CARMIL1: variants seen among roughly 807,000 people sequenced by gnomAD.
The protein encoded by CARMIL1 is capping protein regulator and myosin 1 linker 1.
A neutral mutation model predicts 177.1 loss-of-function variants in CARMIL1; 90 were observed. The observed-to-expected ratio is 0.51, with a 90% CI of 0.43 to 0.61. The LOEUF (loss-of-function observed/expected upper bound fraction) is 0.61. CARMIL1 is among the 20% of genes least tolerant of loss of function. The pLI is 0.00. For missense variants in CARMIL1, 1,380 were observed against 1,667.0 expected (o/e 0.83, Z 3.00); for synonymous variants, 577 against 606.2 (o/e 0.95, Z 0.71).
intron 2 of CARMIL1, among the ~76,000 whole-genome samples, chr6:25,372,558 G>T (rs978646342): frequency 1.3e-5 from 2 of 152,130 alleles, no homozygotes; most frequent in Non-Finnish European, 2.9e-5. Flanking sequence ...TGTTGTTGGT[G>T]TATGGCAGTA....
chr6:25,604,717 C>T (rs1259342502), intron 33 of CARMIL1, 95 bp from the exon 34 acceptor site: 2 of 943,134 alleles, frequency 2.1e-6, no homozygotes, highest in African/African-American at 3.3e-5. Context: ...AGTTAAAGAG[C>T]CCTTCTTTGC....
At position 25,554,182 on chromosome 6, in the gene CARMIL1, C is replaced by G. The variant is rs1434315275; in HGVS notation, c.2592+86C>G. The G allele has an allele frequency of 1.1e-6, 1 of 942,870 alleles. No homozygotes were observed. The highest frequency in any genetic ancestry group is 1.6e-5 in the African/African-American group (1 of 61,244). The allele number at this position is 942,870 out of a possible 1,614,324, so 58.4% of individuals were successfully genotyped here. ...GACTTCCGGTGTGGGGATGTGATTT[C>G]TTTTCTGTATTTCACACTATTACAG... On this transcript the variant is annotated intron_variant, in intron 28 of 36. Coordinates refer to ENST00000329474, the MANE Select transcript of CARMIL1 (RefSeq NM_017640.6). The surrounding 1 kb of genome is among the most constrained non-coding windows in gnomAD (Gnocchi z 4.6).
At chr6:25,459,256 T>TTC (rs1270254958) in intron 8 of CARMIL1, among the ~76,000 whole-genome samples, 2 of 119,926 alleles carry the variant, frequency 1.7e-5, no homozygotes, top group Admixed American at 9.3e-5. Context: ...CTTTCTTTCT[T>TTC]TCTTTCTTTC....
intron 8 of CARMIL1, among the ~76,000 whole-genome samples, chr6:25,463,984 G>A (rs1294135904): frequency 6.6e-6 from 1 of 151,636 alleles, no homozygotes; most frequent in Non-Finnish European, 1.5e-5. Flanking sequence ...CACTACGCCC[G>A]GCTAATTTTT....
chr6:25,287,836 TCAAA>T (rs1781636128), intron 2 of CARMIL1, among the ~76,000 whole-genome samples: 1 of 152,224 alleles, frequency 6.6e-6, no homozygotes, highest in African/African-American at 2.4e-5. Context: ...GTTGCTGACT[TCAAA>T]CAATGATAGG....
intron 24 of CARMIL1, among the ~76,000 whole-genome samples, chr6:25,534,576 A>T (rs1021564370): frequency 1.3e-5 from 2 of 152,108 alleles, no homozygotes; most frequent in Non-Finnish European, 2.9e-5. Context: ...TTTGGATAAA[A>T]TTTTTTTAAA....
At chr6:25,516,675 T>G (rs1181495926) in intron 21 of CARMIL1, among the ~76,000 whole-genome samples, 1 of 152,192 alleles carries the variant, frequency 6.6e-6, no homozygotes, top group African/African-American at 2.4e-5. Flanking sequence ...TGTGTCAGGG[T>G]GAACTGACAA....
At chr6:25,296,663 G>A (rs1478890744) in intron 2 of CARMIL1, among the ~76,000 whole-genome samples, 1 of 150,664 alleles carries the variant, frequency 6.6e-6, no homozygotes, top group Admixed American at 6.6e-5. Flanking sequence ...CTGAGCTAAG[G>A]TGTGGCCAGG....
rs141904686 is a variant in CARMIL1, at chr6:25,385,528, A to G, written c.139-34586A>G. Among the ~76,000 whole-genome samples, 467 of 152,348 alleles carry G rather than the reference A, an allele frequency of 3.1e-3. 8 individuals carry two copies. The highest frequency in any genetic ancestry group is 0.02 in the East Asian group (106 of 5,186). ...ATTTATTGAGCACTTACTATGGACCATGCCCTGTTATAGTCATTTGGAATT... is the reference window on the plus strand; with the variant it reads ...ATTTATTGAGCACTTACTATGGACCGTGCCCTGTTATAGTCATTTGGAATT... On this transcript the variant is annotated intron_variant, in intron 2 of 36. Coordinates refer to ENST00000329474, the MANE Select transcript of CARMIL1 (RefSeq NM_017640.6).
chr6:25,380,327 G>C (rs929768988), intron 2 of CARMIL1, among the ~76,000 whole-genome samples: 1 of 152,200 alleles, frequency 6.6e-6, no homozygotes, highest in African/African-American at 2.4e-5. Flanking sequence ...CTTGCAGGCC[G>C]ATTCTCTGTT....
chr6:25,455,231 A>G (rs987041075), intron 8 of CARMIL1, among the ~76,000 whole-genome samples: 1 of 152,226 alleles, frequency 6.6e-6, no homozygotes, highest in Non-Finnish European at 1.5e-5. Context: ...TATTACAGCT[A>G]GAGAAAGCTG....
chr6:25,362,038 C>T (rs1199584264), intron 2 of CARMIL1, among the ~76,000 whole-genome samples: 1 of 151,626 alleles, frequency 6.6e-6, no homozygotes, highest in Non-Finnish European at 1.5e-5. Context: ...ATAAATTACA[C>T]AGTCTGTGAT....
In CARMIL1 at chr6:25,305,374, A is replaced by G. The variant is rs372143500; in HGVS notation, c.138+20465A>G. On this transcript the variant is annotated intron_variant, in intron 2 of 36. Transcript: ENST00000329474. ...GGGCATGGCTATTTCAGTTAATAAT[A>G]CATGAAGAGTTTTCTCCTTTCAGAG... Among the ~76,000 whole-genome samples, 26 of 152,224 alleles carry G rather than the reference A, an allele frequency of 1.7e-4. 1 individual carries two copies. In the East Asian group the frequency reaches 1.7e-3, roughly 10 times the overall value.
At position 25,620,304 on chromosome 6, in the gene CARMIL1, A is replaced by G. The variant is rs1759639726; in HGVS notation, c.*721A>G. 1 of 152,206 alleles carries G rather than the reference A, an allele frequency of 6.6e-6. No individual in the cohort carries two copies. Among genetic ancestry groups the G allele is most frequent in the Non-Finnish European group, 1.5e-5 (1 of 68,034 alleles). The allele number at this position is 152,206 out of a possible 1,614,324, so 9.4% of individuals were successfully genotyped here. A position where few individuals can be genotyped will look rare whatever the true frequency, so the allele number is the denominator to read the frequency against. On this transcript the variant is annotated 3_prime_UTR_variant, in exon 37 of 37. Coordinates refer to ENST00000329474, the MANE Select transcript of CARMIL1 (RefSeq NM_017640.6). ...ACCATGTGCCCAGATTAATGTATAT[A>G]GTTGATTGGAATGAGGTTTTATGAA...
intron 2 of CARMIL1, among the ~76,000 whole-genome samples, chr6:25,288,046 A>G (rs1014944202): frequency 1.3e-5 from 2 of 152,196 alleles, no homozygotes; most frequent in Non-Finnish European, 2.9e-5. Context: ...CAGATGTGCT[A>G]TGAGTGGATG....
chr6:25,563,521 G>T, intron 29 of CARMIL1: 1 of 985,442 alleles, frequency 1.0e-6, no homozygotes, highest in Non-Finnish European at 1.2e-6. Flanking sequence ...GAAGAAGGTG[G>T]CTGCTGGCTC....
chr6:25,302,229 A>C (rs1011918784), intron 2 of CARMIL1, among the ~76,000 whole-genome samples: 5 of 152,176 alleles, frequency 3.3e-5, no homozygotes, highest in African/African-American at 4.8e-5. Context: ...GAAAGTATAC[A>C]AGTACCTCCA....
At chr6:25,563,876 A>T (rs1278176634) in intron 29 of CARMIL1, 1 of 985,286 alleles carries the variant, frequency 1.0e-6, no homozygotes, top group African/African-American at 1.7e-5. Context: ...AGAAAGGCTT[A>T]AATTCATACA....
At chr6:25,458,485 C>CAAA (rs750169275) in intron 8 of CARMIL1, among the ~76,000 whole-genome samples, 55 of 68,168 alleles carry the variant, frequency 8.1e-4, no homozygotes, top group Admixed American at 1.2e-3. Flanking sequence ...GACTCTGTCT[C>CAAA]AAAAAAAAAA....
Sources: allele counts gnomAD v4.1 joint callset (sites outside exome capture counted in the v4.1 genomes callset), GRCh38; gene constraint gnomAD v4.1.1; non-coding constraint Gnocchi (gnomAD v3.1); transcripts MANE v1.5; gene names NCBI Gene and HGNC (gene_info 2026-07-23, HGNC 2026-07-21).